The following FCGR1A variants were observed in gnomAD, a reference collection of about 807,000 sequenced individuals.
FCGR1A encodes the protein high affinity immunoglobulin gamma Fc receptor I.
FCGR1A carries 13 observed loss-of-function variants against 35.0 expected under a neutral mutation model. The observed-to-expected ratio is 0.37, with a 90% CI of 0.24 to 0.59. The LOEUF is 0.59. Among genes scored for constraint, FCGR1A ranks in the 20% least tolerant of loss-of-function variants. The pLI is 0.71. For synonymous variants in FCGR1A, 91 were observed against 164.7 expected, an observed-to-expected ratio of 0.55 and a Z score of 3.43; for missense variants, 227 against 430.0, an observed-to-expected ratio of 0.53 and a Z score of 4.17.
At chr1:149,792,647 G>C, downstream of FCGR1A, 1 of 1,273,898 alleles carries the variant, frequency 7.8e-7, no homozygotes, top group Non-Finnish European at 1.0e-6. Flanking sequence ...TGCAGCCTCC[G>C]CCTGTATCTG....
downstream of FCGR1A, chr1:149,792,777 C>T (rs1553752200): frequency 1.6e-6 from 2 of 1,278,522 alleles, no homozygotes; most frequent in South Asian, 2.5e-5. Flanking sequence ...TTCCTGGAGG[C>T]TGCAGGAGCG....
chr1:149,790,011 A>C, intron 4 of FCGR1A, 43 bp from the exon 5 acceptor site: 1 of 1,612,204 alleles, frequency 6.2e-7, no homozygotes, highest in Non-Finnish European at 8.5e-7. Context: ...AAGGACCTGG[A>C]TGCTAAACAG....
At chr1:149,793,141 G>A (rs1553752383), downstream of FCGR1A, 8 of 1,275,712 alleles carry the variant, frequency 6.3e-6, no homozygotes, top group South Asian at 1.0e-4. Context: ...CCGAGCCTCC[G>A]CGGAGAGGAG....
At position 149,788,204 on chromosome 1, in the gene FCGR1A, C is replaced by T. The variant is rs1354434894; in HGVS notation, c.308-162C>T. ...CAGTAAAGATTGCTTTTCTTTCCAC[C>T]AAAGCTAAAGATATTTGAGGAACTG... On this transcript the variant is annotated intron_variant, in intron 3 of 5. Coordinates refer to ENST00000369168, the MANE Select transcript of FCGR1A (RefSeq NM_000566.4). 3 of 1,482,652 alleles carry T rather than the reference C, an allele frequency of 2.0e-6. No individual in the cohort carries two copies. In the African/African-American group the frequency reaches 4.3e-5, roughly 21 times the overall value. The allele number at this position is 1,482,652 out of a possible 1,614,324, so 91.8% of individuals were successfully genotyped here. A position where few individuals can be genotyped will look rare whatever the true frequency, so the allele number is the denominator to read the frequency against.
Position 149,791,640 on chromosome 1 carries a change from T to C in FCGR1A, c.*123T>C, listed in dbSNP as rs1553751964. Reference sequence around the variant, plus strand: ...AACTGTGTGTCTCATGGTATGTAACTCTTAAAGCAAATAAATGAACTGACT... The same window carrying C: ...AACTGTGTGTCTCATGGTATGTAACCCTTAAAGCAAATAAATGAACTGACT... On this transcript the variant is annotated 3_prime_UTR_variant, in exon 6 of 6. Transcript: ENST00000369168. 16 of 1,496,942 alleles carry C rather than the reference T, an allele frequency of 1.1e-5. No homozygotes were observed. Among genetic ancestry groups the C allele is most frequent in the African/African-American group, 1.5e-5 (1 of 68,892 alleles). The allele number at this position is 1,496,942 out of a possible 1,614,324, so 92.7% of individuals were successfully genotyped here. A position where few individuals can be genotyped will look rare whatever the true frequency, so the allele number is the denominator to read the frequency against.
intron 3 of FCGR1A, 147 bp downstream of exon 3, chr1:149,784,404 A>G (rs1168103997): frequency 9.8e-6 from 14 of 1,434,198 alleles, no homozygotes; most frequent in Non-Finnish European, 1.3e-5. Flanking sequence ...AAATCAGTAT[A>G]CTCAAAACAT....
chr1:149,791,522 G>T lies in FCGR1A; in HGVS notation c.*5G>T, dbSNP rs782397671. 8.3e-5 allele frequency: 134 copies of T among 1,610,344 alleles called. 1 individual carries two copies. Among genetic ancestry groups the T allele is most frequent in the Non-Finnish European group, 7.8e-5 (92 of 1,179,562 alleles). On this transcript the variant is annotated 3_prime_UTR_variant, in exon 6 of 6. Transcript: ENST00000369168. ...GAGCCCCAGGGGGCCACGTAGCAGCGGCTCAGTGGGTGGCCATCGATCTGG... is the reference window on the plus strand; with the variant it reads ...GAGCCCCAGGGGGCCACGTAGCAGCTGCTCAGTGGGTGGCCATCGATCTGG...
chr1:149,793,892 T>A (rs2091769071), downstream of FCGR1A: 1 of 1,286,096 alleles, frequency 7.8e-7, no homozygotes. Flanking sequence ...AAGAGTTGGG[T>A]CCATTCTGGA....
intron 4 of FCGR1A, 104 bp from the exon 5 acceptor site, chr1:149,789,950 A>G (rs2091659928): frequency 4.4e-6 from 7 of 1,606,614 alleles, no homozygotes; most frequent in Admixed American, 1.7e-5. Flanking sequence ...TTATGGATGC[A>G]TTTTCTAGGG....
In FCGR1A at chr1:149,785,013, A is replaced by T. The variant is rs1390784085; in HGVS notation, c.307+756A>T. ...GTATCTGTAAGATAATATTCTGGACATGGAATTATTGTCATATTTTAATAA... is the reference window on the plus strand; with the variant it reads ...GTATCTGTAAGATAATATTCTGGACTTGGAATTATTGTCATATTTTAATAA... On this transcript the variant is annotated intron_variant, in intron 3 of 5. Coordinates refer to ENST00000369168, the MANE Select transcript of FCGR1A (RefSeq NM_000566.4). Among the ~76,000 whole-genome samples the T allele has an allele frequency of 3.3e-5, 5 of 152,346 alleles. No homozygotes were observed. In the South Asian group the frequency reaches 8.3e-4, roughly 25 times the overall value.
intron 3 of FCGR1A, among the ~76,000 whole-genome samples, chr1:149,785,407 C>CCT (rs1553750700): frequency 0.023 from 1,714 of 74,520 alleles, 188 homozygotes; most frequent in South Asian, 0.068. Flanking sequence ...AGAGCTGTTT[C>CCT]GTTTTTTTTT....
downstream of FCGR1A, chr1:149,791,747 C>A: frequency 3.5e-6 from 2 of 576,994 alleles, no homozygotes; most frequent in Non-Finnish European, 6.1e-6. Flanking sequence ...GAAAAACTTA[C>A]AAGTCAAGCC....
the FCGR1A span, among the ~76,000 whole-genome samples, chr1:149,800,176 T>TG: frequency 6.6e-6 from 1 of 152,094 alleles, no homozygotes; most frequent in African/African-American, 2.4e-5. Context: ...AAAATACAGA[T>TG]GAAAAGATGC....
At chr1:149,800,201 G>A in the FCGR1A span, among the ~76,000 whole-genome samples, 1 of 152,182 alleles carries the variant, frequency 6.6e-6, no homozygotes, top group Admixed American at 6.5e-5. Flanking sequence ...GGTAAAGTAT[G>A]GGGGAAGGAG....
At chr1:149,786,467 G>A (rs1196882738) in intron 3 of FCGR1A, 14 of 152,144 alleles carry the variant, frequency 9.2e-5, no homozygotes, top group Non-Finnish European at 5.9e-5. Context: ...AACATTTTTG[G>A]TTGGTGCCGT....
chr1:149,785,435 G>A (rs1277037912), intron 3 of FCGR1A, among the ~76,000 whole-genome samples: 1 of 7,590 alleles, frequency 1.3e-4, no homozygotes, highest in Non-Finnish European at 4.1e-4. Flanking sequence ...TTTTTTTTTT[G>A]AGACAGAGTC....
intron 3 of FCGR1A, among the ~76,000 whole-genome samples, chr1:149,784,534 C>T (rs1331509348): frequency 2.6e-5 from 4 of 151,904 alleles, no homozygotes; most frequent in African/African-American, 9.7e-5. Flanking sequence ...TATGCCTGTA[C>T]ATAGTAAATA....
intron 4 of FCGR1A, among the ~76,000 whole-genome samples, chr1:149,789,372 A>G (rs1370710475): frequency 1.4e-5 from 2 of 146,720 alleles, no homozygotes; most frequent in African/African-American, 5.0e-5. Context: ...CAGCCTGGGC[A>G]ACAGAGCGAG....
Position 149,789,324 on chromosome 1 carries a change from C to T in FCGR1A, c.559+707C>T, listed in dbSNP as rs369481898. Among the ~76,000 whole-genome samples, 10 of 152,128 alleles carry T rather than the reference C, an allele frequency of 6.6e-5. No homozygotes were observed. The South Asian group carries it at 1.0e-3, about 16-fold the overall frequency. On this transcript the variant is annotated intron_variant, in intron 4 of 5. Coordinates refer to ENST00000369168, the MANE Select transcript of FCGR1A (RefSeq NM_000566.4). ...AGGAGAATAGCATGAACCCGGGAAG[C>T]GGAGCTTGCAGTGAGCTGAGATAGC...
Sources: gnomAD v4.1 joint callset for allele counts (sites outside exome capture counted in the v4.1 genomes callset) on GRCh38, gnomAD v4.1.1 for gene constraint, MANE v1.5 for transcripts, NCBI Gene and HGNC (gene_info 2026-07-23, HGNC 2026-07-21) for gene names.